The following EXOC6 variants were observed in gnomAD, a reference collection of about 807,000 sequenced individuals.
The protein encoded by EXOC6 is exocyst complex component 6, also known as SEC15-like 1.
EXOC6 carries 60 observed loss-of-function variants against 112.5 expected under a neutral mutation model. The ratio of observed to expected loss-of-function variants is 0.53; its 90% CI spans 0.43 to 0.66. The LOEUF (loss-of-function observed/expected upper bound fraction) is 0.66, where lower values mean the gene tolerates loss of function less well. EXOC6 is among the 30% of genes least tolerant of loss of function. The probability of loss-of-function intolerance (pLI) is 0.00; values close to 1 mark genes in which losing one functional copy is unlikely to be tolerated. For synonymous variants in EXOC6, 295 were observed against 308.0 expected (o/e 0.96, Z 0.44); for missense variants, 855 against 957.1 (o/e 0.89, Z 1.41).
chr10:92,973,530 G>A (rs1298292058), intron 17 of EXOC6, among the ~76,000 whole-genome samples: 4 of 152,264 alleles, frequency 2.6e-5, no homozygotes, highest in East Asian at 3.9e-4. Context: ...AGATCCTCCC[G>A]CTGTTATTTT....
intron 18 of EXOC6, among the ~76,000 whole-genome samples, chr10:92,983,715 C>T (rs749809126): frequency 2.6e-5 from 4 of 152,016 alleles, no homozygotes; most frequent in Non-Finnish European, 5.9e-5. Flanking sequence ...CTGTTTTGGC[C>T]AGGCTGGTCT....
At chr10:92,973,928 C>T in intron 17 of EXOC6, 125 bp from the exon 18 acceptor site, 1 of 769,798 alleles carries the variant, frequency 1.3e-6, no homozygotes, top group Non-Finnish European at 2.0e-6. Context: ...CAACAGTTTT[C>T]CTGGACTTTG....
chr10:92,952,521 G>A, intron 15 of EXOC6, 139 bp downstream of exon 15: 1 of 644,326 alleles, frequency 1.6e-6, no homozygotes. Context: ...GGCATATTGT[G>A]TAATGCTGAG....
At chr10:92,975,946 C>A (rs1398777921) in intron 18 of EXOC6, among the ~76,000 whole-genome samples, 9 of 142,678 alleles carry the variant, frequency 6.3e-5, no homozygotes, top group South Asian at 2.3e-4. Context: ...GCCCGGCCAG[C>A]CGCCCCGTCC....
chr10:93,022,393 G>C (rs118060267), intron 20 of EXOC6, among the ~76,000 whole-genome samples: 1 of 152,238 alleles, frequency 6.6e-6, no homozygotes, highest in Non-Finnish European at 1.5e-5. Flanking sequence ...AATATGCAGT[G>C]GAAGGGATCA....
chr10:93,045,270 T>A (rs1307780018), intron 20 of EXOC6, among the ~76,000 whole-genome samples: 1 of 152,240 alleles, frequency 6.6e-6, no homozygotes, highest in African/African-American at 2.4e-5. Flanking sequence ...CCTAAAATTT[T>A]AGGGTAAAAC....
chr10:92,911,778 C>G (rs896517195), intron 6 of EXOC6, among the ~76,000 whole-genome samples: 1 of 152,170 alleles, frequency 6.6e-6, no homozygotes, highest in Non-Finnish European at 1.5e-5. Context: ...ATAACTTCCA[C>G]AGAGTTGAGA....
intron 9 of EXOC6, among the ~76,000 whole-genome samples, chr10:92,932,227 T>C (rs1852079865): frequency 6.6e-6 from 1 of 152,184 alleles, no homozygotes; most frequent in Non-Finnish European, 1.5e-5. Flanking sequence ...AGTAATGTTA[T>C]ATGACATTTT....
chr10:92,979,896 C>CAAAAAAA (rs5787028), intron 18 of EXOC6, among the ~76,000 whole-genome samples: 1 of 84,412 alleles, frequency 1.2e-5, no homozygotes, highest in African/African-American at 4.5e-5. Context: ...GACACTGTCT[C>CAAAAAAA]AAAAAAAAAA....
At chr10:92,975,919 G>C (rs1213463564) in intron 18 of EXOC6, among the ~76,000 whole-genome samples, 10 of 129,942 alleles carry the variant, frequency 7.7e-5, no homozygotes, top group African/African-American at 8.8e-5. Flanking sequence ...GGAGGGAGGT[G>C]GGGGGGTCAG....
At chr10:92,867,594 A>G (rs1035090267) in intron 1 of EXOC6, among the ~76,000 whole-genome samples, 1 of 152,188 alleles carries the variant, frequency 6.6e-6, no homozygotes, top group South Asian at 2.1e-4. Context: ...TAAAACTTCC[A>G]AAACTATTAA....
At chr10:92,864,124 A>C (rs1204729300) in intron 1 of EXOC6, among the ~76,000 whole-genome samples, 1 of 152,110 alleles carries the variant, frequency 6.6e-6, no homozygotes, top group Non-Finnish European at 1.5e-5. Flanking sequence ...AAGTATAATA[A>C]AGTCCCTATG....
chr10:93,038,355 C>CT (rs1410567824), intron 20 of EXOC6, among the ~76,000 whole-genome samples: 1 of 152,062 alleles, frequency 6.6e-6, no homozygotes, highest in Non-Finnish European at 1.5e-5. Context: ...ACTAAGCATT[C>CT]TTTTTGAAAG....
chr10:92,861,224 C>A (rs1228997542), intron 1 of EXOC6, among the ~76,000 whole-genome samples: 1 of 152,178 alleles, frequency 6.6e-6, no homozygotes, highest in African/African-American at 2.4e-5. Context: ...CTACCTCACC[C>A]CCTGATTATA....
intron 17 of EXOC6, among the ~76,000 whole-genome samples, chr10:92,957,959 C>T (rs1385990286): frequency 3.3e-5 from 5 of 152,032 alleles, no homozygotes; most frequent in Non-Finnish European, 7.4e-5. Flanking sequence ...TAGAAAACAT[C>T]TTTCTATTTG....
chr10:92,898,890 T>C (rs1849988677), intron 4 of EXOC6, among the ~76,000 whole-genome samples: 1 of 152,208 alleles, frequency 6.6e-6, no homozygotes, highest in African/African-American at 2.4e-5. Context: ...AAGTGTGTAC[T>C]CATTCTGTAC....
chr10:92,969,883 A>T (rs1002983804), intron 17 of EXOC6, among the ~76,000 whole-genome samples: 1 of 151,906 alleles, frequency 6.6e-6, no homozygotes, highest in Non-Finnish European at 1.5e-5. Context: ...TGGTAGAGAC[A>T]GGGTTTCACC....
intron 8 of EXOC6, among the ~76,000 whole-genome samples, chr10:92,925,992 T>C (rs895586173): frequency 2.9e-4 from 44 of 151,976 alleles, no homozygotes; most frequent in African/African-American, 1.0e-3. Flanking sequence ...ATTTGACTTA[T>C]TAGTTTGATC....
intron 8 of EXOC6, 32 bp downstream of exon 8, chr10:92,920,082 CT>C: frequency 1.5e-6 from 2 of 1,340,850 alleles, no homozygotes; most frequent in Non-Finnish European, 2.0e-6. Context: ...GTATATATAG[CT>C]TTATATTATT....
Sources: gnomAD v4.1 joint callset for allele counts (sites outside exome capture counted in the v4.1 genomes callset) on GRCh38, gnomAD v4.1.1 for gene constraint, MANE v1.5 for transcripts, NCBI Gene and HGNC (gene_info 2026-07-23, HGNC 2026-07-21) for gene names.